KATNB1: variants seen among roughly 807,000 people sequenced by gnomAD.
KATNB1 encodes the protein katanin p80 WD40 repeat-containing subunit B1.
A neutral mutation model predicts 82.3 loss-of-function variants in KATNB1; 38 were observed. The observed-to-expected ratio is 0.46, with a 90% CI of 0.36 to 0.61. The LOEUF is 0.61. Ranked by LOEUF, KATNB1 falls within the 20% of genes least tolerant of loss-of-function variation. The pLI, the probability that KATNB1 is intolerant of heterozygous loss-of-function variation, is 0.00. For synonymous variants in KATNB1, 361 were observed against 368.7 expected (o/e 0.98, Z 0.24); for missense variants, 749 against 915.7 (o/e 0.82, Z 2.35).
intron 2 of KATNB1, among the ~76,000 whole-genome samples, chr16:57,741,063 G>A (rs782213322): frequency 1.9e-4 from 29 of 152,184 alleles, no homozygotes; most frequent in Admixed American, 8.5e-4. Flanking sequence ...CCAAGGCCAC[G>A]CAATAGCAGA....
intron 2 of KATNB1, among the ~76,000 whole-genome samples, 180 bp from the exon 3 acceptor site, chr16:57,741,507 C>T (rs927617728): frequency 3.0e-4 from 45 of 152,244 alleles, no homozygotes; most frequent in African/African-American, 1.1e-3. Context: ...GTCTCAGGCC[C>T]ATGCCCTGCC....
Position 57,753,479 on chromosome 16 carries a change from C to T in KATNB1, c.1137C>T (p.Ala379=), listed in dbSNP as rs143116305. 1.4e-5 allele frequency: 23 copies of T among 1,613,098 alleles called. No homozygotes were observed. Among genetic ancestry groups the T allele is most frequent in the Admixed American group, 8.3e-5 (5 of 60,004 alleles). ...ERESRAEIQN[A]EDYNEIFQPK... The stretch of plus-strand genomic sequence containing the variant: ...AGTCCCGCGCGGAGATCCAGAACGC[C>T]GAGGACTACAACGAGATCTTCCAGC... Residue 379 remains alanine, a synonymous_variant, in exon 12 of 20, where the codon GCC becomes GCT. Transcript: ENST00000379661.
Position 57,739,188 on chromosome 16 carries a change from C to T in KATNB1, c.40+1905C>T, listed in dbSNP as rs541477727. ...GGCAAGGCCAAGCCATCAGTGTGTG[C>T]GAGCAGGAGGTAATGAGATCAGGCG... On this transcript the variant is annotated intron_variant, in intron 2 of 19. Coordinates refer to ENST00000379661, the MANE Select transcript of KATNB1 (RefSeq NM_005886.3). Among the ~76,000 whole-genome samples, 11 of 152,220 alleles carry T rather than the reference C, an allele frequency of 7.2e-5. No individual in the cohort carries two copies. The South Asian group carries it at 1.7e-3, about 23-fold the overall frequency.
intron 1 of KATNB1, among the ~76,000 whole-genome samples, chr16:57,736,279 G>A (rs1317592694): frequency 6.6e-6 from 1 of 152,142 alleles, no homozygotes; most frequent in Non-Finnish European, 1.5e-5. Flanking sequence ...GGGAGAAAAG[G>A]GGGTGTGAAC....
chr16:57,752,583 G>A lies in KATNB1; in HGVS notation c.686G>A (p.Gly229Glu). Residue 229 changes from glycine to glutamate, a missense_variant, in exon 9 of 20, where the codon GGG becomes GAG. Physicochemically the swap from Gly to Glu is moderately conservative, Grantham distance 98 (BLOSUM62 -2). This residue lies in a region of KATNB1 where 247 missense variants were observed against 349.4 expected (regional missense o/e 0.71). Coordinates refer to ENST00000379661, the MANE Select transcript of KATNB1 (RefSeq NM_005886.3). Reference protein sequence around the residue: ...EKFQVVSCIEGEPGPVRSVLF... With the variant: ...EKFQVVSCIEEEPGPVRSVLF... Reference sequence around the variant, plus strand: ...TTCCAGGTGGTGAGCTGCATCGAAGGGGAGCCTGGGCCCGTCAGGTACGCA... The same window carrying A: ...TTCCAGGTGGTGAGCTGCATCGAAGAGGAGCCTGGGCCCGTCAGGTACGCA... The A allele has an allele frequency of 6.4e-7, 1 of 1,568,718 alleles. No individual in the cohort carries two copies. The highest frequency in any genetic ancestry group is 8.6e-7 in the Non-Finnish European group (1 of 1,156,890).
At chr16:57,744,168 GT>G (rs1372096968) in intron 3 of KATNB1, among the ~76,000 whole-genome samples, 5 of 152,246 alleles carry the variant, frequency 3.3e-5, no homozygotes, top group African/African-American at 4.8e-5. Flanking sequence ...GAGGGAGGTG[GT>G]GGGGGGATGA....
At chr16:57,754,187 C>T (rs1176366665) in intron 13 of KATNB1, among the ~76,000 whole-genome samples, 192 bp downstream of exon 13, 1 of 152,130 alleles carries the variant, frequency 6.6e-6, no homozygotes, top group Non-Finnish European at 1.5e-5. Context: ...ATAGTGCCCC[C>T]GTAGGAGCCT....
Position 57,753,254 on chromosome 16 carries a change from A to G in KATNB1, c.1033A>G (p.Ser345Gly). Residue 345 changes from serine (S) to glycine (G), a missense_variant, in exon 11 of 20, where the codon AGC becomes GGC. Coordinates refer to ENST00000379661, the MANE Select transcript of KATNB1 (RefSeq NM_005886.3). Reference protein sequence around the residue: ...RIYERPSTTCSKPQRVKQNSE... With the variant: ...RIYERPSTTCGKPQRVKQNSE... ...CTATGAGCGGCCCAGCACAACCTGC[A>G]GCAAGCCTCAGAGGTGAGGGCCTGG... 6.2e-7 allele frequency: 1 copy of G among 1,600,042 alleles called. No individual in the cohort carries two copies. The highest frequency in any genetic ancestry group is 8.5e-7 in the Non-Finnish European group (1 of 1,172,658).
At chr16:57,752,104 G>T (rs376076401) in intron 8 of KATNB1, 49 bp downstream of exon 8, 25 of 1,200,232 alleles carry the variant, frequency 2.1e-5, no homozygotes, top group South Asian at 1.4e-4. Context: ...GTCCTTCACC[G>T]CCTTGTCCTC....
intron 8 of KATNB1, 101 bp downstream of exon 8, chr16:57,752,156 C>CA: frequency 1.3e-6 from 1 of 780,552 alleles, no homozygotes; most frequent in African/African-American, 1.7e-5. Flanking sequence ...TCTGGGGTGT[C>CA]ATACGTCTGA....
Position 57,756,602 on chromosome 16 carries a change from A to T in KATNB1, c.1835+130A>T, listed in dbSNP as rs528394278. 3.4e-6 allele frequency: 4 copies of T among 1,176,148 alleles called. No homozygotes were observed. The South Asian group carries it at 4.5e-5, about 13-fold the overall frequency. 72.9% of individuals were successfully genotyped at this position (1,176,148 alleles called of 1,614,324 possible). A position where few individuals can be genotyped will look rare whatever the true frequency, so the allele number is the denominator to read the frequency against. On this transcript the variant is annotated intron_variant, in intron 19 of 19. Transcript: ENST00000379661. ...ACAGAGGAGGCGTTGGTCTGGGGCC[A>T]TGGCTCAGGGTGTGGGTGGGCTTAG...
chr16:57,756,098 C>G (rs377737720), intron 18 of KATNB1, 32 bp downstream of exon 18: 9 of 1,598,318 alleles, frequency 5.6e-6, no homozygotes, highest in Non-Finnish European at 6.8e-6. Flanking sequence ...CTGCCTGAAG[C>G]AGGGGGAGGG....
chr16:57,741,613 G>A (rs1319266649), intron 2 of KATNB1, 74 bp from the exon 3 acceptor site: 26 of 1,518,446 alleles, frequency 1.7e-5, no homozygotes, highest in Admixed American at 9.4e-5. Flanking sequence ...GCGGGTAGCC[G>A]AGCAGGGTCA....
intron 4 of KATNB1, among the ~76,000 whole-genome samples, chr16:57,745,147 G>C (rs541343529): frequency 4.1e-4 from 63 of 152,258 alleles, no homozygotes; most frequent in Admixed American, 2.6e-3. Flanking sequence ...CTGTGCTTTC[G>C]TCTGTGCTTT....
At chr16:57,744,656 T>A in intron 4 of KATNB1, 145 bp downstream of exon 4, 1 of 700,836 alleles carries the variant, frequency 1.4e-6, no homozygotes. Flanking sequence ...TGGCACCCAC[T>A]CCACCCCCAT....
In KATNB1 at chr16:57,751,830, C is replaced by A; in HGVS notation, c.516+106C>A. On this transcript the variant is annotated intron_variant, in intron 7 of 19. Coordinates refer to ENST00000379661, the MANE Select transcript of KATNB1 (RefSeq NM_005886.3). The surrounding 1 kb of genome is among the most constrained non-coding windows in gnomAD (Gnocchi z 6.3). Reference sequence around the variant, plus strand: ...CTGATCGGGCTCACATGTCCCAAGCCTATCCCGAGTGGAAGGTAGCTTGTG... The same window carrying A: ...CTGATCGGGCTCACATGTCCCAAGCATATCCCGAGTGGAAGGTAGCTTGTG... 7.1e-7 allele frequency: 1 copy of A among 1,406,084 alleles called. No homozygotes were observed. 87.1% of individuals were successfully genotyped at this position (1,406,084 alleles called of 1,614,324 possible).
intron 4 of KATNB1, 85 bp from the exon 5 acceptor site, chr16:57,750,742 C>A: frequency 1.0e-6 from 1 of 978,376 alleles, no homozygotes; most frequent in Non-Finnish European, 1.7e-6. Context: ...TCCAAAAGCG[C>A]ACACACAAAT....
intron 13 of KATNB1, 78 bp from the exon 14 acceptor site, chr16:57,754,852 C>T: frequency 2.0e-6 from 3 of 1,463,582 alleles, no homozygotes; most frequent in Non-Finnish European, 2.9e-6. Context: ...AGATGCTGCC[C>T]AGAGTCCCGC....
rs570006640 is a variant in KATNB1 at position 57,755,111 on chromosome 16, A to G, written c.1297-8A>G. 2 of 1,612,958 alleles carry G rather than the reference A, an allele frequency of 1.2e-6. No homozygotes were observed. The highest frequency in any genetic ancestry group is 1.7e-6 in the Non-Finnish European group (2 of 1,179,860). ...CAGGCCGGCAACCGCTGAGTTTCAC[A>G]CTTTCAGCTGGAGGTCCTGCCCCGG... On this transcript the variant is annotated splice_polypyrimidine_tract_variant and splice_region_variant and intron_variant, in intron 14 of 19. Coordinates refer to ENST00000379661, the MANE Select transcript of KATNB1 (RefSeq NM_005886.3).
Sources: gnomAD v4.1 joint callset for allele counts (sites outside exome capture counted in the v4.1 genomes callset) on GRCh38, gnomAD v4.1.1 for gene constraint, gnomAD v4.1.1 regional missense constraint, Gnocchi (gnomAD v3.1) non-coding constraint, MANE v1.5 for transcripts, NCBI Gene and HGNC (gene_info 2026-07-23, HGNC 2026-07-21) for gene names.